The following UBE2L3 variants were observed in gnomAD, a reference collection of about 807,000 sequenced individuals.
UBE2L3 encodes the protein ubiquitin-conjugating enzyme E2 L3.
In UBE2L3, 1 loss-of-function variant was observed where a neutral mutation model predicts 17.8. That is an observed-to-expected ratio of 0.06 (90% CI 0.02 to 0.27). The LOEUF (loss-of-function observed/expected upper bound fraction) is 0.27, where lower values mean the gene tolerates loss of function less well. Ranked by LOEUF, UBE2L3 falls within the 10% of genes least tolerant of loss-of-function variation. UBE2L3 has a pLI of 1.00. For synonymous variants in UBE2L3, 44 were observed against 68.5 expected (o/e 0.64, Z 1.76); for missense variants, 40 against 192.6 (o/e 0.21, Z 4.69).
intron 2 of UBE2L3, among the ~76,000 whole-genome samples, chr22:21,598,541 CTTTTTTTT>C (rs60333124): frequency 7.7e-6 from 1 of 129,078 alleles, no homozygotes; most frequent in African/African-American, 2.8e-5. Context: ...TTTCCCTTTC[CTTTTTTTT>C]TTTTTTTTTT....
Position 21,577,257 on chromosome 22 carries a change from C to T in UBE2L3, c.27+9486C>T, listed in dbSNP as rs4305364. ...TGCTGGTATTACAGGCGTGAGCCAC[C>T]GTGCCTGGCCTGATTTTTGCATTTT... On this transcript the variant is annotated intron_variant, in intron 1 of 3. Transcript: ENST00000342192. Among the ~76,000 whole-genome samples, 541 of 152,204 alleles carry T rather than the reference C, an allele frequency of 3.6e-3. 8 individuals carry two copies. In the East Asian group the frequency reaches 0.051, roughly 14 times the overall value.
intron 1 of UBE2L3, among the ~76,000 whole-genome samples, chr22:21,592,521 C>A (rs1928319260): frequency 6.6e-6 from 1 of 152,124 alleles, no homozygotes; most frequent in African/African-American, 2.4e-5. Flanking sequence ...ACATGTCTGC[C>A]CTATGCAGGG....
chr22:21,601,541 C>G (rs1928859266), intron 2 of UBE2L3, among the ~76,000 whole-genome samples: 1 of 151,804 alleles, frequency 6.6e-6, no homozygotes, highest in South Asian at 2.1e-4. Context: ...TCTTGAACTC[C>G]TGACTTCAAG....
chr22:21,611,642 G>A (rs1929487590), intron 3 of UBE2L3, among the ~76,000 whole-genome samples: 1 of 152,188 alleles, frequency 6.6e-6, no homozygotes, highest in Admixed American at 6.5e-5. Flanking sequence ...TCTGTGTGTG[G>A]CTGTGTGAAC....
intron 3 of UBE2L3, among the ~76,000 whole-genome samples, chr22:21,612,656 T>C (rs1929556437): frequency 8.7e-6 from 1 of 114,972 alleles, no homozygotes; most frequent in South Asian, 3.2e-4. Context: ...TTTTTTTTTT[T>C]TTTTTTTTTT....
upstream of UBE2L3, among the ~76,000 whole-genome samples, chr22:21,565,230 A>G (rs960039263): frequency 6.6e-6 from 1 of 151,408 alleles, no homozygotes; most frequent in Non-Finnish European, 1.5e-5. Flanking sequence ...GTAGCTGGGA[A>G]TACAGGCGCC....
chr22:21,600,118 C>T (rs1207202433), intron 2 of UBE2L3, among the ~76,000 whole-genome samples: 1 of 151,720 alleles, frequency 6.6e-6, no homozygotes. Context: ...TTGAGACCAG[C>T]CTGTCCAATG....
chr22:21,612,991 T>C (rs929087789), intron 3 of UBE2L3, among the ~76,000 whole-genome samples: 3 of 152,192 alleles, frequency 2.0e-5, no homozygotes, highest in Admixed American at 6.5e-5. Context: ...TATAGCTGCA[T>C]TTGATCAAGA....
chr22:21,613,827 G>A (rs1008550611), intron 3 of UBE2L3, among the ~76,000 whole-genome samples: 1 of 152,172 alleles, frequency 6.6e-6, no homozygotes, highest in Non-Finnish European at 1.5e-5. Flanking sequence ...ATTAGCTAAG[G>A]CACTTCGGTT....
intron 3 of UBE2L3, among the ~76,000 whole-genome samples, chr22:21,613,869 A>G (rs950698162): frequency 2.0e-5 from 3 of 152,232 alleles, no homozygotes; most frequent in African/African-American, 7.2e-5. Context: ...CCACAAGGCT[A>G]CATTGGACCC....
intron 2 of UBE2L3, among the ~76,000 whole-genome samples, chr22:21,602,874 G>A (rs777532282): frequency 6.6e-6 from 1 of 152,150 alleles, no homozygotes; most frequent in Admixed American, 6.5e-5. Context: ...CTGCAGATGT[G>A]GGGGGTTGTG....
At chr22:21,573,320 C>T (rs973004546) in intron 1 of UBE2L3, among the ~76,000 whole-genome samples, 1 of 152,082 alleles carries the variant, frequency 6.6e-6, no homozygotes, top group Non-Finnish European at 1.5e-5. Flanking sequence ...TCCCCACTTG[C>T]CCGTTGAGTC....
chr22:21,563,206 C>A (rs1236582117), upstream of UBE2L3, among the ~76,000 whole-genome samples: 14 of 143,896 alleles, frequency 9.7e-5, no homozygotes, highest in Admixed American at 1.0e-3. Context: ...TGCGCCACTG[C>A]ACTCCAGCCT....
chr22:21,578,558 C>G (rs1487921705), intron 1 of UBE2L3, among the ~76,000 whole-genome samples: 3 of 152,058 alleles, frequency 2.0e-5, no homozygotes, highest in Non-Finnish European at 4.4e-5. Context: ...TAGGGGGGTG[C>G]TGGACTCTGG....
At chr22:21,612,244 A>G (rs1425689511) in intron 3 of UBE2L3, among the ~76,000 whole-genome samples, 2 of 152,206 alleles carry the variant, frequency 1.3e-5, no homozygotes, top group African/African-American at 4.8e-5. Flanking sequence ...AACAGTCTCT[A>G]GTGGGCTTGG....
chr22:21,610,290 T>C (rs1019783817), intron 2 of UBE2L3, among the ~76,000 whole-genome samples: 1 of 152,220 alleles, frequency 6.6e-6, no homozygotes, highest in African/African-American at 2.4e-5. Context: ...CATTGGTGAT[T>C]AGGTTTCAAC....
chr22:21,598,795 A>G (rs1240117381), intron 2 of UBE2L3, among the ~76,000 whole-genome samples: 2 of 150,642 alleles, frequency 1.3e-5, no homozygotes, highest in African/African-American at 4.9e-5. Flanking sequence ...CAGCCTCCCA[A>G]AGTGCTGGAA....
chr22:21,579,782 A>T (rs1219993267), intron 1 of UBE2L3, among the ~76,000 whole-genome samples: 2 of 152,132 alleles, frequency 1.3e-5, no homozygotes, highest in African/African-American at 4.8e-5. Flanking sequence ...GGGGGAAAAA[A>T]AAAAGTCATG....
At chr22:21,600,136 A>ACC (rs1928775744) in intron 2 of UBE2L3, among the ~76,000 whole-genome samples, 1 of 150,934 alleles carries the variant, frequency 6.6e-6, no homozygotes, top group African/African-American at 2.4e-5. Context: ...ATGTGGCAAA[A>ACC]CCCCGTCTCT....
Sources: allele counts gnomAD v4.1 joint callset (sites outside exome capture counted in the v4.1 genomes callset), GRCh38; gene constraint gnomAD v4.1.1; transcripts MANE v1.5; gene names NCBI Gene and HGNC (gene_info 2026-07-23, HGNC 2026-07-21).